FAM227A: variants seen among roughly 807,000 people sequenced by gnomAD.
FAM227A encodes family with sequence similarity 227 member A.
FAM227A carries 80 observed loss-of-function variants against 74.7 expected under a neutral mutation model. The ratio of observed to expected loss-of-function variants is 1.07; its 90% CI spans 0.89 to 1.29. The LOEUF (loss-of-function observed/expected upper bound fraction) is 1.29. Among genes scored for constraint, FAM227A ranks in the 50% most tolerant of loss-of-function variants. FAM227A has a pLI of 0.00. For missense variants in FAM227A, 654 were observed against 683.4 expected (o/e 0.96, Z 0.48); for synonymous variants, 237 against 241.8 (o/e 0.98, Z 0.19).
At chr22:38,588,938 A>G (rs2090871838) in intron 16 of FAM227A, among the ~76,000 whole-genome samples, 1 of 151,830 alleles carries the variant, frequency 6.6e-6, no homozygotes, top group Non-Finnish European at 1.5e-5. Context: ...AAAAAAAAAA[A>G]AAAAAGAAAA....
chr22:38,640,165 C>G (rs1325957371), intron 3 of FAM227A, among the ~76,000 whole-genome samples: 2 of 152,036 alleles, frequency 1.3e-5, no homozygotes, highest in Admixed American at 1.3e-4. Context: ...TCCCGAGTAG[C>G]TGGGACTACA....
At chr22:38,623,312 G>A (rs549977531) in intron 9 of FAM227A, 33 bp from the exon 10 acceptor site, 12 of 1,425,190 alleles carry the variant, frequency 8.4e-6, no homozygotes, top group South Asian at 7.4e-5. Flanking sequence ...GAATGGGGCC[G>A]GGTGCGGTGG....
chr22:38,603,601 G>C (rs1322192021), intron 13 of FAM227A, among the ~76,000 whole-genome samples: 2 of 151,918 alleles, frequency 1.3e-5, no homozygotes, highest in Non-Finnish European at 2.9e-5. Flanking sequence ...CATGCACACA[G>C]AGGCCTTCTG....
At chr22:38,626,154 C>G in intron 9 of FAM227A, 26 bp downstream of exon 9, 1 of 1,549,122 alleles carries the variant, frequency 6.5e-7, no homozygotes, top group Non-Finnish European at 8.7e-7. Context: ...AATCGCTTTC[C>G]CCGGTGGAAA....
At chr22:38,617,359 G>A (rs111874456) in intron 11 of FAM227A, among the ~76,000 whole-genome samples, 4,387 of 146,108 alleles carry the variant, frequency 0.03, 86 homozygotes, top group Middle Eastern at 0.07. Context: ...GCAGCGGCAC[G>A]ATCTCAGCTC....
Position 38,628,898 on chromosome 22 carries a change from G to T in FAM227A, c.557C>A (p.Ser186Tyr), listed in dbSNP as rs2091862339. ...CSGRELEKFL[S>Y]SSSPRAIWLD... ...CCAGATGGCTCTTGGAGAAGAAGAA[G>T]AGAGAAACTTCTCTAATTCTCTACC... is the stretch of plus-strand genomic sequence containing the variant. Residue 186 changes from serine (S) to tyrosine (Y), a missense_variant, in exon 7 of 17, where the codon TCT (serine) becomes TAT (tyrosine). Physicochemically the swap from Ser to Tyr is moderately radical, Grantham distance 144. Transcript: ENST00000535113. 6.5e-7 allele frequency: 1 copy of T among 1,543,620 alleles called. No homozygotes were observed. Among genetic ancestry groups the T allele is most frequent in the Non-Finnish European group, 8.8e-7 (1 of 1,142,550 alleles).
At position 38,645,597 on chromosome 22, in the gene FAM227A, A is replaced by G; in HGVS notation, c.191T>C (p.Ile64Thr). ...MHQVNQKIADINLRTEPSANS... is the reference protein window; with the variant it reads ...MHQVNQKIADTNLRTEPSANS... ...GGCCGACGGCTCGGTACGCAGATTTATGTCAGCAATCTTTTGGTTCACCTG... is the reference window on the plus strand; with the variant it reads ...GGCCGACGGCTCGGTACGCAGATTTGTGTCAGCAATCTTTTGGTTCACCTG... The change falls in exon 3 of 17, where the codon ATA becomes ACA. Residue 64 changes from isoleucine (I) to threonine (T), a missense_variant. By Grantham distance (89) the Ile-to-Thr change is moderately conservative. Coordinates refer to ENST00000535113, the MANE Select transcript of FAM227A (RefSeq NM_001013647.2). The G allele has an allele frequency of 6.4e-7, 1 of 1,551,368 alleles. No homozygotes were observed.
At chr22:38,617,595 G>A (rs928962782) in intron 11 of FAM227A, among the ~76,000 whole-genome samples, 6 of 152,072 alleles carry the variant, frequency 3.9e-5, no homozygotes, top group East Asian at 1.9e-4. Context: ...ACACCCGGCC[G>A]GAGGAGGCTG....
Position 38,650,217 on chromosome 22 carries a change from G to C in FAM227A, c.-49C>G. Reference sequence around the variant, plus strand: ...AAACAAAAAGCTTCCACTTTTAAGAGCCTCTCATTTCCCACTCCAATCTTG... The same window carrying C: ...AAACAAAAAGCTTCCACTTTTAAGACCCTCTCATTTCCCACTCCAATCTTG... On this transcript the variant is annotated 5_prime_UTR_variant, in exon 2 of 17. Transcript: ENST00000535113. 3 of 1,530,448 alleles carry C rather than the reference G, an allele frequency of 2.0e-6. No individual in the cohort carries two copies. Among genetic ancestry groups the C allele is most frequent in the East Asian group, 2.5e-5 (1 of 40,774 alleles). 94.8% of individuals were successfully genotyped at this position (1,530,448 alleles called of 1,614,324 possible).
At position 38,638,785 on chromosome 22, in the gene FAM227A, G is replaced by A. The variant is rs369136668; in HGVS notation, c.333C>T (p.Gly111=). Residue 111 remains glycine, a synonymous_variant, in exon 5 of 17, where the codon GGC becomes GGT. Coordinates refer to ENST00000535113, the MANE Select transcript of FAM227A (RefSeq NM_001013647.2). ...AAGATCTGGCATGTCTGAGTTCGGA[G>A]CCTTTGCAGGAATACTGAGATTTCC... The part of the protein sequence containing the change: ...RQRKSQYSCK[G]SELRHARSSV... The A allele has an allele frequency of 3.8e-5, 59 of 1,540,380 alleles. No individual in the cohort carries two copies. The highest frequency in any genetic ancestry group is 2.6e-4 in the African/African-American group (19 of 72,292).
chr22:38,645,410 T>C (rs1475861638), intron 3 of FAM227A, among the ~76,000 whole-genome samples, 153 bp downstream of exon 3: 2 of 152,138 alleles, frequency 1.3e-5, no homozygotes, highest in Non-Finnish European at 2.9e-5. Flanking sequence ...AAAAAATGTT[T>C]ATTAATTTTT....
At chr22:38,620,144 A>T in intron 11 of FAM227A, 68 bp downstream of exon 11, 1 of 1,123,246 alleles carries the variant, frequency 8.9e-7, no homozygotes, top group Non-Finnish European at 1.3e-6. Flanking sequence ...CTGATGCTCC[A>T]GAAGAACCGA....
chr22:38,607,489 A>G lies in FAM227A; in HGVS notation c.1039-13T>C. 6.7e-7 allele frequency: 1 copy of G among 1,486,776 alleles called. No individual in the cohort carries two copies. Among genetic ancestry groups the G allele is most frequent in the East Asian group, 2.5e-5 (1 of 40,610 alleles). The allele number at this position is 1,486,776 out of a possible 1,614,324, so 92.1% of individuals were successfully genotyped here. A position where few individuals can be genotyped will look rare whatever the true frequency, so the allele number is the denominator to read the frequency against. On this transcript the variant is annotated splice_polypyrimidine_tract_variant and intron_variant, in intron 11 of 16. Transcript: ENST00000535113. ...TTGCACTAGAAGACTTCAGGAGACA[A>G]GAGAGAGAAAGAGAGGGAGAAAGCG...
At chr22:38,626,520 GAGGT>G (rs1706468089) in intron 8 of FAM227A, among the ~76,000 whole-genome samples, 2 of 151,978 alleles carry the variant, frequency 1.3e-5, no homozygotes, top group Admixed American at 1.3e-4. Flanking sequence ...GCTGGGAATA[GAGGT>G]GTGTACCACT....
At chr22:38,590,106 A>C (rs1280301438) in intron 16 of FAM227A, among the ~76,000 whole-genome samples, 1 of 151,004 alleles carries the variant, frequency 6.6e-6, no homozygotes, top group Non-Finnish European at 1.5e-5. Context: ...AACAAAACAA[A>C]ACAAAACAAA....
chr22:38,620,786 GT>G (rs2091672700), intron 10 of FAM227A, among the ~76,000 whole-genome samples: 1 of 151,768 alleles, frequency 6.6e-6, no homozygotes, highest in South Asian at 2.1e-4. Flanking sequence ...TCCAGCCTGG[GT>G]GACATAATGA....
chr22:38,655,751 G>A (rs2092383697), intron 1 of FAM227A, among the ~76,000 whole-genome samples: 1 of 152,124 alleles, frequency 6.6e-6, no homozygotes, highest in Admixed American at 6.6e-5. Flanking sequence ...GAAGATTTTA[G>A]TTCTAGGACA....
intron 11 of FAM227A, among the ~76,000 whole-genome samples, chr22:38,616,224 T>C (rs1290530467): frequency 6.6e-6 from 1 of 151,892 alleles, no homozygotes; most frequent in Non-Finnish European, 1.5e-5. Context: ...AAGATGGGAG[T>C]GGCCAACCAC....
chr22:38,617,013 T>C (rs964030042), intron 11 of FAM227A, among the ~76,000 whole-genome samples: 1 of 151,610 alleles, frequency 6.6e-6, no homozygotes, highest in Non-Finnish European at 1.5e-5. Context: ...GTGAAGACCT[T>C]CCCTGGGTGG....
Sources: allele counts gnomAD v4.1 joint callset (sites outside exome capture counted in the v4.1 genomes callset), GRCh38; gene constraint gnomAD v4.1.1; transcripts MANE v1.5; gene names NCBI Gene and HGNC (gene_info 2026-07-23, HGNC 2026-07-21).